Variants in ZNF609 observed in about 807,000 individuals in gnomAD.
The protein encoded by ZNF609 is zinc finger protein 609.
ZNF609 carries 11 observed loss-of-function variants against 109.5 expected under a neutral mutation model. That is an observed-to-expected ratio of 0.10 (90% confidence interval 0.06 to 0.17). The LOEUF (loss-of-function observed/expected upper bound fraction) is 0.17. Among genes scored for constraint, ZNF609 ranks in the 10% least tolerant of loss-of-function variants. The pLI, the probability that ZNF609 is intolerant of heterozygous loss-of-function variation, is 1.00. For synonymous variants in ZNF609, 646 were observed against 662.0 expected (o/e 0.98, Z 0.37); for missense variants, 1,559 against 1,772.4 (o/e 0.88, Z 2.16).
chr15:64,635,081 G>A (rs1896153949), intron 3 of ZNF609, among the ~76,000 whole-genome samples: 1 of 152,168 alleles, frequency 6.6e-6, no homozygotes, highest in African/African-American at 2.4e-5. Context: ...TGGCAAAATA[G>A]ACTAATCTCC....
At chr15:64,498,521 A>G (rs961588859) in intron 1 of ZNF609, among the ~76,000 whole-genome samples, 2 of 152,130 alleles carry the variant, frequency 1.3e-5, no homozygotes, top group African/African-American at 4.8e-5. Context: ...CCAGTTTTTC[A>G]TAGAGTAAAC....
intron 2 of ZNF609, among the ~76,000 whole-genome samples, chr15:64,510,447 C>A (rs148120141): frequency 1.3e-5 from 2 of 152,026 alleles, no homozygotes; most frequent in African/African-American, 4.8e-5. Context: ...TCAAGTGATT[C>A]CCCCTGCCTC....
chr15:64,537,573 A>T (rs932864528), intron 2 of ZNF609, among the ~76,000 whole-genome samples: 10 of 152,146 alleles, frequency 6.6e-5, no homozygotes, highest in Non-Finnish European at 1.0e-4. Flanking sequence ...AAAGAAAAAA[A>T]ATACTAGAGC....
At chr15:64,565,351 G>A (rs568512205) in intron 2 of ZNF609, among the ~76,000 whole-genome samples, 3 of 151,680 alleles carry the variant, frequency 2.0e-5, no homozygotes, top group East Asian at 3.9e-4. Flanking sequence ...AAAGTGCTGG[G>A]ATTATAGGCA....
chr15:64,513,290 A>G (rs1412406657), intron 2 of ZNF609, among the ~76,000 whole-genome samples: 1 of 152,250 alleles, frequency 6.6e-6, no homozygotes, highest in East Asian at 1.9e-4. Context: ...ATCACTATGC[A>G]GATTCCTAAA....
At chr15:64,561,771 G>A (rs1894685476) in intron 2 of ZNF609, among the ~76,000 whole-genome samples, 1 of 152,014 alleles carries the variant, frequency 6.6e-6, no homozygotes, top group African/African-American at 2.4e-5. Context: ...TACCAAGACA[G>A]TATGGCCAAA....
At chr15:64,481,153 A>T (rs1432457458) in intron 1 of ZNF609, among the ~76,000 whole-genome samples, 1 of 152,152 alleles carries the variant, frequency 6.6e-6, no homozygotes, top group African/African-American at 2.4e-5. Flanking sequence ...GTGAGTGGAG[A>T]GGAAGATTTT....
At chr15:64,477,136 CT>C (rs911785223) in intron 1 of ZNF609, among the ~76,000 whole-genome samples, 2,369 of 105,786 alleles carry the variant, frequency 0.022, 45 homozygotes, top group African/African-American at 0.08. Context: ...TCTTCTCTTT[CT>C]TTTTTTTTTT....
intron 2 of ZNF609, chr15:64,500,491 T>C (rs955491044): frequency 3.2e-6 from 2 of 629,646 alleles, no homozygotes; most frequent in Admixed American, 2.5e-5. Context: ...TGGTAGAGAT[T>C]GGCATCAGAC....
intron 2 of ZNF609, among the ~76,000 whole-genome samples, chr15:64,521,656 G>A (rs1390545361): frequency 6.6e-6 from 1 of 152,190 alleles, no homozygotes; most frequent in African/African-American, 2.4e-5. Flanking sequence ...ACCCTAAGCA[G>A]GGAACCTTCA....
chr15:64,580,955 C>CTTTTTTTTTTTTT (rs57690590), intron 2 of ZNF609, among the ~76,000 whole-genome samples: 2 of 58,744 alleles, frequency 3.4e-5, no homozygotes, highest in Admixed American at 2.5e-4. Context: ...TCAATGTCTT[C>CTTTTTTTTTTTTT]TTTTTTTTTT....
chr15:64,463,593 G>C (rs1040352179), intron 1 of ZNF609, among the ~76,000 whole-genome samples: 3 of 152,174 alleles, frequency 2.0e-5, no homozygotes, highest in African/African-American at 4.8e-5. Context: ...TTTGGTTTTG[G>C]TAAAGGTCTT....
chr15:64,546,470 T>C (rs1304203787), intron 2 of ZNF609, among the ~76,000 whole-genome samples: 1 of 150,054 alleles, frequency 6.7e-6, no homozygotes, highest in Non-Finnish European at 1.5e-5. Context: ...CCTTGTTCTG[T>C]CACCAGTGGT....
intron 2 of ZNF609, among the ~76,000 whole-genome samples, chr15:64,534,787 C>T (rs912978940): frequency 2.6e-5 from 4 of 151,846 alleles, no homozygotes; most frequent in Non-Finnish European, 5.9e-5. Flanking sequence ...AATCCCAGCA[C>T]TTTGGGAGGC....
chr15:64,683,274 A>G lies in ZNF609; in HGVS notation c.*1588A>G, dbSNP rs149398546. ...AAGGGAGTGTGTGACCAGAGTGCCA[A>G]AAGTGACTAGGAGCAGGAACTTGGC... On this transcript the variant is annotated 3_prime_UTR_variant, in exon 10 of 10. Coordinates refer to ENST00000326648, the MANE Select transcript of ZNF609 (RefSeq NM_015042.2). The G allele has an allele frequency of 6.5e-6, 1 of 152,764 alleles. No homozygotes were observed. Among genetic ancestry groups the G allele is most frequent in the East Asian group, 1.9e-4 (1 of 5,186 alleles). The allele number at this position is 152,764 out of a possible 1,614,324, so 9.5% of individuals were successfully genotyped here.
chr15:64,677,186 C>A (rs1461933312), intron 5 of ZNF609, among the ~76,000 whole-genome samples: 1 of 152,108 alleles, frequency 6.6e-6, no homozygotes, highest in Non-Finnish European at 1.5e-5. Flanking sequence ...GCCTCAGCCT[C>A]CCAATTAACC....
rs1410628418 is a variant in ZNF609, at chr15:64,499,656, A to G, written c.237A>G (p.Pro79=). Residue 79 remains proline, a synonymous_variant, in exon 2 of 10, where the codon CCA becomes CCG. Coordinates refer to ENST00000326648, the MANE Select transcript of ZNF609 (RefSeq NM_015042.2). ...PDNIKFVTPV[P]GPQGKEGKSK... ...ACATCAAGTTTGTGACCCCAGTGCCAGGTCCTCAAGGGAAGGAAGGCAAAT... is the reference window on the plus strand; with the variant it reads ...ACATCAAGTTTGTGACCCCAGTGCCGGGTCCTCAAGGGAAGGAAGGCAAAT... 2.5e-6 allele frequency: 4 copies of G among 1,614,180 alleles called. No individual in the cohort carries two copies. The Admixed American group carries it at 5.0e-5, about 20-fold the overall frequency.
intron 2 of ZNF609, among the ~76,000 whole-genome samples, chr15:64,622,171 A>G (rs545723368): frequency 7.9e-5 from 12 of 152,314 alleles, no homozygotes; most frequent in Non-Finnish European, 1.5e-4. Context: ...TTCTCATTAA[A>G]CAACCACTGT....
At chr15:64,594,499 A>G in intron 2 of ZNF609, among the ~76,000 whole-genome samples, 1 of 147,882 alleles carries the variant, frequency 6.8e-6, no homozygotes. Context: ...CATCTGGCTA[A>G]TTTTTTTTTT....
Sources: allele counts gnomAD v4.1 joint callset (sites outside exome capture counted in the v4.1 genomes callset), GRCh38; gene constraint gnomAD v4.1.1; transcripts MANE v1.5; gene names NCBI Gene and HGNC (gene_info 2026-07-23, HGNC 2026-07-21).